COPB2: variants seen among roughly 807,000 people sequenced by gnomAD.
The protein encoded by COPB2 is coat protein complex I subunit beta 2.
Under a neutral mutation model 120.8 loss-of-function variants are expected in COPB2, and 16 were observed. The ratio of observed to expected loss-of-function variants is 0.13; its 90% CI spans 0.09 to 0.20. COPB2 has a LOEUF of 0.20. COPB2 is among the 10% of genes least tolerant of loss of function. COPB2 has a pLI of 1.00. For synonymous variants in COPB2, 332 were observed against 366.3 expected (o/e 0.91, Z 1.07); for missense variants, 794 against 1,076.5 (o/e 0.74, Z 3.67).
chr3:139,389,320 G>A (rs1374665855), intron 1 of COPB2: 1 of 555,176 alleles, frequency 1.8e-6, no homozygotes, highest in Non-Finnish European at 2.7e-6. Flanking sequence ...AGCGCCAGGG[G>A]AGACAAAACC....
At chr3:139,360,813 T>C (rs558534184) in intron 17 of COPB2, among the ~76,000 whole-genome samples, 2 of 152,336 alleles carry the variant, frequency 1.3e-5, no homozygotes, top group South Asian at 4.1e-4. Context: ...CACCATTAAC[T>C]GGCAGGGCTG....
In COPB2 at chr3:139,374,496, T is replaced by C. The variant is rs754198898; in HGVS notation, c.744A>G (p.Ser248=). The change falls in exon 7 of 22, where the codon TCA becomes TCG. Residue 248 remains serine, a synonymous_variant. Transcript: ENST00000333188. ...CATACCCTTCTAACTTACCATCTTC[T>C]GAACCTGTGATAATGATTGGCAACT... The part of the protein sequence containing the change: ...HPELPIIITG[S]EDGTVRIWHS... 11 of 1,613,792 alleles carry C rather than the reference T, an allele frequency of 6.8e-6. No homozygotes were observed. Among genetic ancestry groups the C allele is most frequent in the Non-Finnish European group, 8.5e-6 (10 of 1,179,842 alleles).
chr3:139,389,602 C>G lies in COPB2; in HGVS notation c.-52G>C, dbSNP rs779975009. ...CCTCGTTTGTTACCGGCTACTCAGGCCTTGAGATAAACCCACCGATCCACT... is the reference window on the plus strand; with the variant it reads ...CCTCGTTTGTTACCGGCTACTCAGGGCTTGAGATAAACCCACCGATCCACT... On this transcript the variant is annotated 5_prime_UTR_variant, in exon 1 of 22. Transcript: ENST00000333188. The G allele has an allele frequency of 1.3e-6, 2 of 1,539,534 alleles. No homozygotes were observed. The highest frequency in any genetic ancestry group is 1.2e-5 in the South Asian group (1 of 85,544).
intron 12 of COPB2, 140 bp downstream of exon 12, chr3:139,369,121 T>G: frequency 1.8e-6 from 1 of 562,310 alleles, no homozygotes; most frequent in Non-Finnish European, 3.1e-6. Context: ...ATTTAAATTC[T>G]AAGTGCTGTT....
chr3:139,378,103 T>C lies in COPB2; in HGVS notation c.442A>G (p.Ile148Val), dbSNP rs751553410. 28 of 1,591,196 alleles carry C rather than the reference T, an allele frequency of 1.8e-5. No homozygotes were observed. In the South Asian group the frequency reaches 2.3e-4, roughly 13 times the overall value. ...TTGTTATCTTTGGGGTTGATCACAA[T>C]CTGCATAACATAATGGGTGTGTCCT... is the stretch of plus-strand genomic sequence containing the variant. Reference protein sequence around the residue: ...FEGHTHYVMQIVINPKDNNQF... With the variant: ...FEGHTHYVMQVVINPKDNNQF... The change falls in exon 5 of 22, where the codon ATT becomes GTT. Residue 148 changes from isoleucine (I) to valine (V), a missense_variant. By Grantham distance (29) the Ile-to-Val change is conservative. Around this residue, in one of 3 missense-constraint regions of COPB2, gnomAD observed 610 missense variants for 866.7 expected, o/e 0.70. Coordinates refer to ENST00000333188, the MANE Select transcript of COPB2 (RefSeq NM_004766.3).
At chr3:139,362,340 C>T (rs1468777080) in intron 16 of COPB2, 67 bp downstream of exon 16, 5 of 1,114,200 alleles carry the variant, frequency 4.5e-6, no homozygotes, top group African/African-American at 1.6e-5. Flanking sequence ...CAAAACATTA[C>T]ACCAAACACA....
In COPB2 at chr3:139,371,821, C is replaced by T. The variant is rs371540225; in HGVS notation, c.1107G>A (p.Val369=). ...AGATGATATACTCCCCATCACCACA[C>T]ACCACCACAAACCTAGAAATCACAG... ...QHNPNGRFVV[V]CGDGEYIIYT... Residue 369 remains valine, a synonymous_variant, in exon 10 of 22, where the codon GTG becomes GTA. Transcript: ENST00000333188. The T allele has an allele frequency of 5.4e-5, 87 of 1,613,478 alleles. No homozygotes were observed. Among genetic ancestry groups the T allele is most frequent in the Middle Eastern group, 4.9e-4 (3 of 6,084 alleles).
Position 139,359,196 on chromosome 3 carries a change from G to A in COPB2, c.2304-18C>T. Reference sequence around the variant, plus strand: ...TCACTACCCTATTATAGACATCATGGAACCAAAGAGAGACTAAGTAAATGT... The same window carrying A: ...TCACTACCCTATTATAGACATCATGAAACCAAAGAGAGACTAAGTAAATGT... On this transcript the variant is annotated intron_variant, in intron 18 of 21. Transcript: ENST00000333188. The A allele has an allele frequency of 1.2e-6, 2 of 1,611,620 alleles. No individual in the cohort carries two copies. The highest frequency in any genetic ancestry group is 2.2e-5 in the South Asian group (2 of 90,848).
intron 10 of COPB2, among the ~76,000 whole-genome samples, chr3:139,370,104 C>T (rs1008108781): frequency 8.5e-5 from 13 of 152,060 alleles, no homozygotes; most frequent in African/African-American, 1.2e-4. Context: ...GGGGATTTTG[C>T]GGGGATGATA....
chr3:139,388,779 C>G (rs530571730), intron 1 of COPB2, among the ~76,000 whole-genome samples: 58 of 137,644 alleles, frequency 4.2e-4, no homozygotes, highest in African/African-American at 1.4e-3. Context: ...GGGCCCGCCA[C>G]CACGCCCGGC....
intron 2 of COPB2, chr3:139,381,073 T>A (rs1454671731): frequency 6.6e-6 from 1 of 152,228 alleles, no homozygotes; most frequent in African/African-American, 2.4e-5. Context: ...TGGTACTTTA[T>A]AGGTTTCATA....
At chr3:139,383,556 T>C (rs1471608227) in intron 1 of COPB2, 121 bp from the exon 2 acceptor site, 1 of 884,566 alleles carries the variant, frequency 1.1e-6, no homozygotes, top group African/African-American at 1.7e-5. Context: ...GCTAAGCTTT[T>C]GAAACAGTTT....
chr3:139,358,937 TC>T, intron 19 of COPB2, 60 bp downstream of exon 19: 1 of 1,589,918 alleles, frequency 6.3e-7, no homozygotes, highest in Non-Finnish European at 8.6e-7. Context: ...AAATCTGAAG[TC>T]CTGAATGTAC....
intron 2 of COPB2, chr3:139,382,245 A>G (rs1483615076): frequency 6.6e-6 from 1 of 152,054 alleles, no homozygotes; most frequent in African/African-American, 2.4e-5. Flanking sequence ...CGTGATAGTG[A>G]CTTCTCATGA....
rs1466852129 is a variant in COPB2 at position 139,357,471 on chromosome 3, A to AGAT, written c.*389_*391dup. ...TGTGATTGACAACATTTGAAAATGC[A>AGAT]GATTTAGTTATACAAAGAAAAGACA... is the stretch of plus-strand genomic sequence containing the variant. On this transcript the variant is annotated 3_prime_UTR_variant, in exon 22 of 22. Transcript: ENST00000333188. 1 of 184,686 alleles carries AGAT rather than the reference A, an allele frequency of 5.4e-6. No homozygotes were observed. Among genetic ancestry groups the AGAT allele is most frequent in the East Asian group, 1.4e-4 (1 of 6,900 alleles). The allele number at this position is 184,686 out of a possible 1,614,324, so 11.4% of individuals were successfully genotyped here. A position where few individuals can be genotyped will look rare whatever the true frequency, so the allele number is the denominator to read the frequency against.
At chr3:139,364,426 A>G (rs925937914) in intron 15 of COPB2, among the ~76,000 whole-genome samples, 1 of 152,300 alleles carries the variant, frequency 6.6e-6, no homozygotes, top group East Asian at 1.9e-4. Context: ...GAAAAAGTAC[A>G]GAGTATCAAA....
intron 12 of COPB2, among the ~76,000 whole-genome samples, 165 bp downstream of exon 12, chr3:139,369,096 A>G (rs1163244859): frequency 6.6e-6 from 1 of 152,244 alleles, no homozygotes; most frequent in Non-Finnish European, 1.5e-5. Flanking sequence ...GTGTATTTCA[A>G]AAGTATAAGA....
chr3:139,379,232 CTA>C, intron 3 of COPB2, 59 bp from the exon 4 acceptor site: 1 of 1,555,358 alleles, frequency 6.4e-7, no homozygotes, highest in Non-Finnish European at 8.7e-7. Context: ...TACAAAAAAA[CTA>C]TATCACAGGC....
At position 139,357,647 on chromosome 3, in the gene COPB2, A is replaced by ATGTC. The variant is rs1371780540; in HGVS notation, c.*212_*215dup. On this transcript the variant is annotated 3_prime_UTR_variant, in exon 22 of 22. Transcript: ENST00000333188. ...AATAGTATGAAAAAAATCAAAGCCCATGTCTGTTTTAGTTAACAAGGAAAA... is the reference window on the plus strand; with the variant it reads ...AATAGTATGAAAAAAATCAAAGCCCATGTCTGTCTGTTTTAGTTAACAAGGAAAA... 9 of 391,322 alleles carry ATGTC rather than the reference A, an allele frequency of 2.3e-5. No individual in the cohort carries two copies. Among genetic ancestry groups the ATGTC allele is most frequent in the African/African-American group, 1.9e-4 (9 of 48,116 alleles). The allele number at this position is 391,322 out of a possible 1,614,324, so 24.2% of individuals were successfully genotyped here.
Sources: gnomAD v4.1 joint callset for allele counts (sites outside exome capture counted in the v4.1 genomes callset) on GRCh38, gnomAD v4.1.1 for gene constraint, gnomAD v4.1.1 regional missense constraint, MANE v1.5 for transcripts, NCBI Gene and HGNC (gene_info 2026-07-23, HGNC 2026-07-21) for gene names.